Variants in C1orf21 observed in about 807,000 individuals in gnomAD.
C1orf21 encodes chromosome 1 open reading frame 21, also known as uncharacterized protein C1orf21.
In C1orf21, 3 loss-of-function variants were observed where a neutral mutation model predicts 18.7. The observed-to-expected ratio is 0.16, with a 90% CI of 0.07 to 0.42. The LOEUF is 0.42. C1orf21 is among the 10% of genes least tolerant of loss of function. The pLI is 0.99. For synonymous variants in C1orf21, 41 were observed against 46.4 expected (o/e 0.88, Z 0.47); for missense variants, 104 against 143.6 (o/e 0.72, Z 1.41).
intron 1 of C1orf21, among the ~76,000 whole-genome samples, chr1:184,473,477 A>ATGC (rs1183460125): frequency 6.6e-6 from 1 of 152,184 alleles, no homozygotes; most frequent in Non-Finnish European, 1.5e-5. Flanking sequence ...AAAAAAAAAA[A>ATGC]TGCTGGAGTT....
chr1:184,574,402 A>G (rs1056462627), intron 3 of C1orf21, among the ~76,000 whole-genome samples: 7 of 152,252 alleles, frequency 4.6e-5, no homozygotes, highest in African/African-American at 1.7e-4. Context: ...GAACTTAAAT[A>G]TATATGTCAC....
At chr1:184,525,128 A>G (rs1180108996) in intron 3 of C1orf21, among the ~76,000 whole-genome samples, 8 of 148,244 alleles carry the variant, frequency 5.4e-5, no homozygotes, top group Non-Finnish European at 9.0e-5. Context: ...GGATAAACAG[A>G]AAAAAAAAAC....
chr1:184,558,548 A>G (rs564435279), intron 3 of C1orf21, among the ~76,000 whole-genome samples: 4 of 152,334 alleles, frequency 2.6e-5, no homozygotes, highest in African/African-American at 4.8e-5. Flanking sequence ...GCAGCCATCT[A>G]TCCAATATAG....
At chr1:184,428,733 G>A (rs1428525080) in intron 1 of C1orf21, among the ~76,000 whole-genome samples, 2 of 152,158 alleles carry the variant, frequency 1.3e-5, no homozygotes, top group Non-Finnish European at 2.9e-5. Context: ...ATAGGTCTGT[G>A]GAAAGTCTGT....
chr1:184,483,497 G>A (rs752293855), intron 2 of C1orf21, among the ~76,000 whole-genome samples: 8 of 152,220 alleles, frequency 5.3e-5, no homozygotes, highest in Non-Finnish European at 1.0e-4. Context: ...CCTTTTCTGC[G>A]CTTTTTCTGT....
chr1:184,399,432 G>A (rs1218475274), intron 1 of C1orf21, among the ~76,000 whole-genome samples: 1 of 147,644 alleles, frequency 6.8e-6, no homozygotes. Context: ...CTGTGATCTC[G>A]GCTCACTGCA....
chr1:184,465,974 C>T (rs908219492), intron 1 of C1orf21, among the ~76,000 whole-genome samples: 46 of 152,220 alleles, frequency 3.0e-4, no homozygotes, highest in African/African-American at 1.1e-3. Context: ...CAGGCATGTT[C>T]TTCCTGCCTG....
intron 1 of C1orf21, among the ~76,000 whole-genome samples, chr1:184,455,379 C>G (rs945425799): frequency 6.6e-6 from 1 of 152,170 alleles, no homozygotes; most frequent in Admixed American, 6.5e-5. Flanking sequence ...CTTAGAATTG[C>G]AGATTCTGTG....
chr1:184,414,093 C>T (rs1428269666), intron 1 of C1orf21, among the ~76,000 whole-genome samples: 1 of 152,116 alleles, frequency 6.6e-6, no homozygotes, highest in African/African-American at 2.4e-5. Flanking sequence ...GAACCTAACA[C>T]CGGACCAGAG....
At chr1:184,468,143 T>C (rs764651229) in intron 1 of C1orf21, among the ~76,000 whole-genome samples, 7 of 152,244 alleles carry the variant, frequency 4.6e-5, no homozygotes, top group Non-Finnish European at 1.0e-4. Context: ...CTTCCTAATC[T>C]TGAGCTGTTC....
At chr1:184,567,102 A>G (rs1411441438) in intron 3 of C1orf21, 6 of 480,490 alleles carry the variant, frequency 1.2e-5, no homozygotes, top group East Asian at 5.5e-5. Context: ...GCACAGTACT[A>G]TGAAGTATTC....
At chr1:184,576,625 C>T (rs1659192790) in intron 3 of C1orf21, among the ~76,000 whole-genome samples, 1 of 152,264 alleles carries the variant, frequency 6.6e-6, no homozygotes, top group Non-Finnish European at 1.5e-5. Flanking sequence ...GCTTCAGGCC[C>T]ACCCTTGTGT....
chr1:184,511,333 A>C (rs1383347224), intron 3 of C1orf21, among the ~76,000 whole-genome samples: 1 of 152,000 alleles, frequency 6.6e-6, no homozygotes, highest in Non-Finnish European at 1.5e-5. Context: ...TCATACATAA[A>C]CCCCCCTTGG....
chr1:184,417,597 A>T (rs1483583587), intron 1 of C1orf21, among the ~76,000 whole-genome samples: 2 of 152,256 alleles, frequency 1.3e-5, no homozygotes, highest in Non-Finnish European at 2.9e-5. Context: ...TTTGTGTGTA[A>T]TCTAACTTTG....
chr1:184,582,762 G>A lies in C1orf21; in HGVS notation c.190-7977G>A, dbSNP rs118072444. On this transcript the variant is annotated intron_variant, in intron 3 of 5. Coordinates refer to ENST00000235307, the MANE Select transcript of C1orf21 (RefSeq NM_030806.4). ...TTCCTTGCAGACAATGCTTTTAGTC[G>A]GCATCCTGAACATGGGTGTTGTTCC... Among the ~76,000 whole-genome samples, 47 of 152,270 alleles carry A rather than the reference G, an allele frequency of 3.1e-4. No homozygotes were observed. In the East Asian group the frequency reaches 5.6e-3, roughly 18 times the overall value.
At chr1:184,565,485 A>T (rs1659023086) in intron 3 of C1orf21, among the ~76,000 whole-genome samples, 1 of 152,222 alleles carries the variant, frequency 6.6e-6, no homozygotes, top group African/African-American at 2.4e-5. Context: ...TCTAGACCTC[A>T]CCATGCACCT....
At position 184,620,556 on chromosome 1, in the gene C1orf21, A is replaced by C. The variant is rs1055766516; in HGVS notation, c.*1000A>C. Reference sequence around the variant, plus strand: ...CTTGTTACCTTTCATTTTGTTAGCAAATAAACCATCCTATTTTGTAACTCT... The same window carrying C: ...CTTGTTACCTTTCATTTTGTTAGCACATAAACCATCCTATTTTGTAACTCT... On this transcript the variant is annotated 3_prime_UTR_variant, in exon 6 of 6. Coordinates refer to ENST00000235307, the MANE Select transcript of C1orf21 (RefSeq NM_030806.4). The C allele has an allele frequency of 1.3e-5, 2 of 152,766 alleles. No homozygotes were observed. Among genetic ancestry groups the C allele is most frequent in the Non-Finnish European group, 2.9e-5 (2 of 68,026 alleles). The allele number at this position is 152,766 out of a possible 1,614,324, so 9.5% of individuals were successfully genotyped here. A position where few individuals can be genotyped will look rare whatever the true frequency, so the allele number is the denominator to read the frequency against.
chr1:184,460,782 A>G (rs1228906984), intron 1 of C1orf21, among the ~76,000 whole-genome samples: 1 of 148,526 alleles, frequency 6.7e-6, no homozygotes, highest in East Asian at 2.0e-4. Flanking sequence ...CCTGGGTTCA[A>G]TCAGTCTTCC....
At position 184,507,511 on chromosome 1, in the gene C1orf21, A is replaced by G. The variant is rs1426516099; in HGVS notation, c.95-77A>G. 9.0e-6 allele frequency: 11 copies of G among 1,225,734 alleles called. No individual in the cohort carries two copies. The African/African-American group carries it at 1.2e-4, about 14-fold the overall frequency. 75.9% of individuals were successfully genotyped at this position (1,225,734 alleles called of 1,614,324 possible). On this transcript the variant is annotated intron_variant, in intron 2 of 5. Coordinates refer to ENST00000235307, the MANE Select transcript of C1orf21 (RefSeq NM_030806.4). ...GTGAAAGGGTCTAGCAAATTACACT[A>G]TTGGGATTTTCTGACTGACACTTTT...
Sources: gnomAD v4.1 joint callset for allele counts (sites outside exome capture counted in the v4.1 genomes callset) on GRCh38, gnomAD v4.1.1 for gene constraint, MANE v1.5 for transcripts, NCBI Gene and HGNC (gene_info 2026-07-23, HGNC 2026-07-21) for gene names.